The following UBE3D variants were observed in gnomAD, a reference collection of about 807,000 sequenced individuals.
UBE3D encodes ubiquitin protein ligase E3D.
A neutral mutation model predicts 49.6 loss-of-function variants in UBE3D; 48 were observed. That is an observed-to-expected ratio of 0.97 (90% CI 0.77 to 1.23). UBE3D has a LOEUF of 1.23. UBE3D is among the 50% of genes most tolerant of loss of function. UBE3D has a pLI of 0.00. For synonymous variants in UBE3D, 189 were observed against 174.2 expected, an observed-to-expected ratio of 1.08 and a Z score of -0.67; for missense variants, 452 against 468.4, an observed-to-expected ratio of 0.96 and a Z score of 0.32.
At chr6:83,044,714 C>A in intron 3 of UBE3D, 55 bp from the exon 4 acceptor site, 2 of 1,359,652 alleles carry the variant, frequency 1.5e-6, no homozygotes, top group Non-Finnish European at 2.1e-6. Flanking sequence ...CTAACATTTT[C>A]TTAATTAAAT....
intron 8 of UBE3D, among the ~76,000 whole-genome samples, chr6:82,989,132 A>T (rs1484321102): frequency 6.6e-6 from 1 of 152,098 alleles, no homozygotes; most frequent in Non-Finnish European, 1.5e-5. Context: ...ATACAGAGGA[A>T]GCAAGAGCTC....
chr6:82,896,902 G>A (rs77059374), intron 9 of UBE3D, among the ~76,000 whole-genome samples: 18,489 of 151,608 alleles, frequency 0.12, 1,485 homozygotes, highest in African/African-American at 0.22. Flanking sequence ...CCACCATGCC[G>A]GCTAATTTTT....
intron 8 of UBE3D, chr6:83,018,353 T>C (rs1780839408): frequency 6.6e-6 from 1 of 152,216 alleles, no homozygotes; most frequent in East Asian, 1.9e-4. Context: ...GAATCTTCCC[T>C]GACTTTGCAA....
chr6:83,027,634 T>G (rs1781576417), intron 5 of UBE3D, among the ~76,000 whole-genome samples: 1 of 152,122 alleles, frequency 6.6e-6, no homozygotes, highest in Non-Finnish European at 1.5e-5. Flanking sequence ...CTTCCATTAC[T>G]GCTGTTCCTT....
At chr6:83,045,659 T>G (rs896217775) in intron 3 of UBE3D, among the ~76,000 whole-genome samples, 2 of 152,260 alleles carry the variant, frequency 1.3e-5, no homozygotes, top group Admixed American at 1.3e-4. Flanking sequence ...ACTTTTCATT[T>G]TGGAATAACT....
chr6:83,028,012 CTCTCT>C (rs1175883532), intron 5 of UBE3D, among the ~76,000 whole-genome samples: 1 of 152,114 alleles, frequency 6.6e-6, no homozygotes, highest in African/African-American at 2.4e-5. Context: ...CTCGTTAATT[CTCTCT>C]TCAAGTTGTA....
downstream of UBE3D, among the ~76,000 whole-genome samples, chr6:82,887,828 A>G (rs763362389): frequency 5.3e-5 from 8 of 152,204 alleles, no homozygotes; most frequent in Non-Finnish European, 8.8e-5. Flanking sequence ...TCACCATCCT[A>G]TGAAGAGAAA....
At chr6:83,017,498 C>T (rs1024885837) in intron 8 of UBE3D, 4 of 151,896 alleles carry the variant, frequency 2.6e-5, no homozygotes, top group Admixed American at 6.6e-5. Context: ...CAAAAAGAGT[C>T]TCAAAAGCAT....
chr6:82,918,290 C>A (rs293495), intron 9 of UBE3D, among the ~76,000 whole-genome samples: 118,827 of 145,274 alleles, frequency 0.82, 48,800 homozygotes, highest in East Asian at 0.93. Context: ...ACAACAACAA[C>A]AAAAAAAAAA....
chr6:83,022,850 C>T (rs1348947647), intron 6 of UBE3D, among the ~76,000 whole-genome samples: 2 of 89,438 alleles, frequency 2.2e-5, no homozygotes, highest in African/African-American at 6.3e-5. Flanking sequence ...CATGTTAGAA[C>T]AAGTCAATAC....
rs760967451 is a variant in UBE3D at position 83,035,702 on chromosome 6, T to A, written c.667+2714A>T. 1.2e-4 allele frequency among the ~76,000 whole-genome samples: 19 copies of A among 152,218 alleles called. No homozygotes were observed. The South Asian group carries it at 1.9e-3, about 15-fold the overall frequency. On this transcript the variant is annotated intron_variant, in intron 5 of 9. Transcript: ENST00000369747. ...GCTTCCTTACTATTCCTCTATTAAT[T>A]ACAGTGGGTACTTAGTGGACCCTTT...
chr6:82,969,711 A>C (rs1468968569), intron 8 of UBE3D, among the ~76,000 whole-genome samples: 2 of 152,184 alleles, frequency 1.3e-5, no homozygotes, highest in Non-Finnish European at 2.9e-5. Context: ...GACATGAAAA[A>C]ATGGAAAGAT....
At chr6:82,988,722 T>C (rs913976812) in intron 8 of UBE3D, among the ~76,000 whole-genome samples, 1 of 152,168 alleles carries the variant, frequency 6.6e-6, no homozygotes. Context: ...TTCCTTTCTT[T>C]AGTTTTTCTA....
At chr6:82,938,110 T>C (rs1774727938) in intron 9 of UBE3D, 1 of 152,250 alleles carries the variant, frequency 6.6e-6, no homozygotes, top group Non-Finnish European at 1.5e-5. Context: ...AATACAGTTA[T>C]ATTATGCAGA....
At chr6:82,907,330 T>G (rs1307849402) in intron 9 of UBE3D, among the ~76,000 whole-genome samples, 1 of 152,120 alleles carries the variant, frequency 6.6e-6, no homozygotes, top group Non-Finnish European at 1.5e-5. Context: ...ATTTCTAACC[T>G]CTAAGGAAAA....
chr6:83,038,254 C>T, intron 5 of UBE3D, 162 bp downstream of exon 5: 4 of 570,512 alleles, frequency 7.0e-6, no homozygotes, highest in Non-Finnish European at 1.2e-5. Flanking sequence ...ATACAAACTT[C>T]TTGGTATATT....
In UBE3D at chr6:83,020,837, C is replaced by T. The variant is rs540774796; in HGVS notation, c.846+1616G>A. ...TATGTTTCCCTATTAGCTTTTTAGT[C>T]TCATGAAGGCATTTGTGTTCTACCT... On this transcript the variant is annotated intron_variant, in intron 7 of 9. Coordinates refer to ENST00000369747, the MANE Select transcript of UBE3D (RefSeq NM_198920.3). 5.3e-5 allele frequency among the ~76,000 whole-genome samples: 8 copies of T among 152,262 alleles called. No individual in the cohort carries two copies. The South Asian group carries it at 1.5e-3, about 28-fold the overall frequency.
chr6:82,910,783 AC>A (rs1189127620), intron 9 of UBE3D, among the ~76,000 whole-genome samples: 1 of 152,242 alleles, frequency 6.6e-6, no homozygotes, highest in African/African-American at 2.4e-5. Flanking sequence ...TCAATTGGCA[AC>A]TGATTTAAAA....
intron 9 of UBE3D, among the ~76,000 whole-genome samples, chr6:82,955,726 ACACT>A (rs1313241259): frequency 6.6e-6 from 1 of 152,176 alleles, no homozygotes; most frequent in Admixed American, 6.6e-5. Flanking sequence ...CCCACCACTC[ACACT>A]CACTCCACCC....
Sources: allele counts gnomAD v4.1 joint callset (sites outside exome capture counted in the v4.1 genomes callset), GRCh38; gene constraint gnomAD v4.1.1; transcripts MANE v1.5; gene names NCBI Gene and HGNC (gene_info 2026-07-23, HGNC 2026-07-21).